Variants in PMPCB observed in about 807,000 individuals in gnomAD.
PMPCB encodes mitochondrial-processing peptidase subunit beta.
In PMPCB, 46 loss-of-function variants were observed where a neutral mutation model predicts 61.5. That is an observed-to-expected ratio of 0.75 (90% confidence interval 0.59 to 0.96). PMPCB has a LOEUF of 0.96. Among genes scored for constraint, PMPCB ranks in the 40% least tolerant of loss-of-function variants. The pLI, the probability that PMPCB is intolerant of heterozygous loss-of-function variation, is 0.00. For missense variants in PMPCB, 590 were observed against 602.4 expected (o/e 0.98, Z 0.22); for synonymous variants, 191 against 201.6 (o/e 0.95, Z 0.44).
intron 4 of PMPCB, among the ~76,000 whole-genome samples, chr7:103,301,095 G>A (rs1352801580): frequency 6.6e-6 from 1 of 152,180 alleles, no homozygotes; most frequent in East Asian, 1.9e-4. Flanking sequence ...CTTAACACAA[G>A]TACTTTTGTG....
At chr7:103,325,599 A>G (rs1586089472) in intron 12 of PMPCB, among the ~76,000 whole-genome samples, 1 of 152,214 alleles carries the variant, frequency 6.6e-6, no homozygotes, top group Non-Finnish European at 1.5e-5. Context: ...CAGAAATTCA[A>G]ACCAATAAAT....
rs1279305963 is a variant in PMPCB at position 103,313,432 on chromosome 7, T to C, written c.*1161T>C. 1.0e-6 allele frequency: 1 copy of C among 984,294 alleles called. No homozygotes were observed. The highest frequency in any genetic ancestry group is 1.2e-6 in the Non-Finnish European group (1 of 828,990). 61.0% of individuals were successfully genotyped at this position (984,294 alleles called of 1,614,324 possible). On this transcript the variant is annotated 3_prime_UTR_variant, in exon 13 of 13. Transcript: ENST00000249269. ...TTAAATTTATAGTACTGTTGGACTC[T>C]TGGACTCAAAAACACAACCACAATT...
the PMPCB span, chr7:103,345,224 T>G: frequency 6.5e-6 from 1 of 153,802 alleles, no homozygotes; most frequent in Non-Finnish European, 1.4e-5. Flanking sequence ...TTACCTGCAT[T>G]ATATCTTTTA....
the PMPCB span, among the ~76,000 whole-genome samples, chr7:103,338,329 C>T: frequency 2.1e-5 from 3 of 145,136 alleles, no homozygotes; most frequent in Admixed American, 7.0e-5. Context: ...CGGAGTCTTG[C>T]TCTGTTGCCC....
rs1253179018 is a variant in PMPCB at position 103,326,948 on chromosome 7, T to G, written c.*1432-1983T>G. Among the ~76,000 whole-genome samples, 3 of 152,156 alleles carry G rather than the reference T, an allele frequency of 2.0e-5. No homozygotes were observed. The East Asian group carries it at 5.8e-4, about 29-fold the overall frequency. On this transcript the variant is annotated intron_variant and NMD_transcript_variant, in intron 12 of 12. Coordinates refer to the PMPCB transcript ENST00000444457. ...CACCCCTCAAGAGAAAAGATGACTCTGGGGAAAAAGAAATAGCTAGTAAGT... is the reference window on the plus strand; with the variant it reads ...CACCCCTCAAGAGAAAAGATGACTCGGGGGAAAAAGAAATAGCTAGTAAGT...
rs371459598 is a variant in PMPCB, at chr7:103,297,523, A to C, written c.64A>C (p.Ser22Arg). The change falls in exon 1 of 13, where the codon AGC becomes CGC. Residue 22 changes from serine to arginine, a missense_variant. Coordinates refer to ENST00000249269, the MANE Select transcript of PMPCB (RefSeq NM_004279.3). Reference sequence around the variant, plus strand: ...GGCGCGGCGGCGGCTCTGGGGTTTCAGCGAGAGTCTTCTAATCCGAGGCGC... The same window carrying C: ...GGCGCGGCGGCGGCTCTGGGGTTTCCGCGAGAGTCTTCTAATCCGAGGCGC... ...SAARRRLWGFSESLLIRGAAG... is the reference protein window; with the variant it reads ...SAARRRLWGFRESLLIRGAAG... 8.1e-6 allele frequency: 13 copies of C among 1,603,438 alleles called. No individual in the cohort carries two copies. Among genetic ancestry groups the C allele is most frequent in the African/African-American group, 1.3e-5 (1 of 74,500 alleles).
intron 12 of PMPCB, chr7:103,327,390 C>T: frequency 8.8e-7 from 1 of 1,139,274 alleles, no homozygotes; most frequent in Non-Finnish European, 1.2e-6. Context: ...TGTTAAAATG[C>T]AGATTTTAAT....
downstream of PMPCB, chr7:103,315,657 A>T: frequency 1.5e-6 from 1 of 668,926 alleles, no homozygotes; most frequent in Non-Finnish European, 2.5e-6. Flanking sequence ...CCAGTCTGCT[A>T]AACATTTTAT....
downstream of PMPCB, chr7:103,314,774 G>A: frequency 2.3e-6 from 1 of 435,048 alleles, no homozygotes; most frequent in Non-Finnish European, 3.1e-6. Context: ...GAAATTTTGG[G>A]ATAATAAGCA....
exon 13 of PMPCB, chr7:103,329,359 C>T (rs562238502): frequency 2.9e-4 from 45 of 156,800 alleles, no homozygotes; most frequent in Non-Finnish European, 5.2e-4. Context: ...CCGGCCAAGT[C>T]GGCTCTAGTC....
At chr7:103,343,512 A>G in the PMPCB span, among the ~76,000 whole-genome samples, 3 of 152,180 alleles carry the variant, frequency 2.0e-5, no homozygotes, top group African/African-American at 7.2e-5. Context: ...CCTGAAATGA[A>G]TCAGGATGTC....
the PMPCB span, among the ~76,000 whole-genome samples, chr7:103,347,060 A>C: frequency 6.6e-6 from 1 of 152,238 alleles, no homozygotes; most frequent in Non-Finnish European, 1.5e-5. Context: ...TAATTTCCTG[A>C]GGAATCAATC....
At chr7:103,315,431 T>C (rs1042185778), downstream of PMPCB, among the ~76,000 whole-genome samples, 3 of 152,286 alleles carry the variant, frequency 2.0e-5, no homozygotes, top group South Asian at 2.1e-4. Flanking sequence ...CATTTTCTTA[T>C]ATAATTACAG....
intron 6 of PMPCB, among the ~76,000 whole-genome samples, chr7:103,305,880 G>C (rs1024043324): frequency 1.6e-4 from 24 of 152,328 alleles, no homozygotes; most frequent in African/African-American, 5.3e-4. Context: ...AGACTTGTTA[G>C]ATGGGTCCTC....
chr7:103,314,544 C>G lies in PMPCB; in HGVS notation c.*2273C>G, dbSNP rs1817939652. The G allele has an allele frequency of 1.0e-6, 1 of 985,238 alleles. No individual in the cohort carries two copies. The highest frequency in any genetic ancestry group is 1.7e-5 in the African/African-American group (1 of 57,222). 61.0% of individuals were successfully genotyped at this position (985,238 alleles called of 1,614,324 possible). A position where few individuals can be genotyped will look rare whatever the true frequency, so the allele number is the denominator to read the frequency against. On this transcript the variant is annotated 3_prime_UTR_variant, in exon 13 of 13. Transcript: ENST00000249269. The stretch of plus-strand genomic sequence containing the variant: ...AAGTCCCCCTAAGAAAGAGCTGAGA[C>G]TAGTGTGCTAATACCTGTTGTATTT...
intron 6 of PMPCB, among the ~76,000 whole-genome samples, chr7:103,306,099 A>C (rs1021750588): frequency 1.3e-5 from 2 of 152,216 alleles, no homozygotes; most frequent in Non-Finnish European, 2.9e-5. Flanking sequence ...GAAATAGGCC[A>C]GTTTTAAGTT....
the PMPCB span, among the ~76,000 whole-genome samples, chr7:103,341,379 TCTCATC>T: frequency 3.3e-5 from 5 of 152,208 alleles, no homozygotes; most frequent in Non-Finnish European, 5.9e-5. Context: ...ACACTAGATT[TCTCATC>T]ACCATACCGC....
At chr7:103,336,810 ATTCC>A in the PMPCB span, 1 of 152,200 alleles carries the variant, frequency 6.6e-6, no homozygotes, top group African/African-American at 2.4e-5. Flanking sequence ...AATCTGATAA[ATTCC>A]TTCACTTTGT....
chr7:103,298,733 T>C (rs1391888353), intron 2 of PMPCB, 25 bp downstream of exon 2: 1 of 1,600,522 alleles, frequency 6.2e-7, no homozygotes, highest in East Asian at 2.2e-5. Flanking sequence ...CAACCTTCTC[T>C]AAGTGACCCT....
Sources: gnomAD v4.1 joint callset for allele counts (sites outside exome capture counted in the v4.1 genomes callset) on GRCh38, gnomAD v4.1.1 for gene constraint, MANE v1.5 for transcripts, NCBI Gene and HGNC (gene_info 2026-07-23, HGNC 2026-07-21) for gene names.